LTBR: variants seen among roughly 807,000 people sequenced by gnomAD.
LTBR encodes the protein lymphotoxin beta receptor.
In LTBR, 15 loss-of-function variants were observed where a neutral mutation model predicts 45.4. That is an observed-to-expected ratio of 0.33 (90% CI 0.22 to 0.51). The LOEUF (loss-of-function observed/expected upper bound fraction) is 0.51. Ranked by LOEUF, LTBR falls within the 20% of genes least tolerant of loss-of-function variation. The pLI is 0.97. For missense variants in LTBR, 450 were observed against 565.5 expected (o/e 0.80, Z 2.07); for synonymous variants, 228 against 231.0 (o/e 0.99, Z 0.12).
chr12:6,390,938 C>T lies in LTBR; in HGVS notation c.*1C>T, dbSNP rs369367670. ...GAACCAATTTATCACCCATGACTGACTGAGTCTGAGAAAAGGCAGAAGAAG... is the reference window on the plus strand; with the variant it reads ...GAACCAATTTATCACCCATGACTGATTGAGTCTGAGAAAAGGCAGAAGAAG... On this transcript the variant is annotated 3_prime_UTR_variant, in exon 10 of 10. Transcript: ENST00000228918. 46 of 1,548,038 alleles carry T rather than the reference C, an allele frequency of 3.0e-5. No homozygotes were observed. Among genetic ancestry groups the T allele is most frequent in the Admixed American group, 7.8e-5 (4 of 51,400 alleles).
At chr12:6,389,975 G>T in intron 8 of LTBR, 137 bp from the exon 9 acceptor site, 1 of 664,078 alleles carries the variant, frequency 1.5e-6, no homozygotes, top group Non-Finnish European at 2.6e-6. Context: ...GAAAGAGAGA[G>T]AGAGAAAGAG....
intron 6 of LTBR, chr12:6,387,642 G>C (rs1396643311): frequency 4.3e-6 from 1 of 230,638 alleles, no homozygotes. Flanking sequence ...AGAAATGCGG[G>C]AGTCCTCCCG....
upstream of LTBR, among the ~76,000 whole-genome samples, chr12:6,379,791 G>T (rs991330966): frequency 4.6e-5 from 7 of 151,974 alleles, no homozygotes; most frequent in Non-Finnish European, 8.8e-5. Context: ...AATTAGCTGG[G>T]CATAAGTGGT....
intron 8 of LTBR, 185 bp downstream of exon 8, chr12:6,389,010 A>G: frequency 1.6e-6 from 1 of 616,340 alleles, no homozygotes; most frequent in South Asian, 2.1e-5. Flanking sequence ...TGAGCAAAAC[A>G]CAGTACCTCA....
At chr12:6,384,083 C>G (rs12827109), upstream of LTBR, 1 of 1,242,680 alleles carries the variant, frequency 8.0e-7, no homozygotes, top group Admixed American at 4.2e-5. Flanking sequence ...AAGCCTGTTC[C>G]TCTTCCCTGG....
upstream of LTBR, chr12:6,375,300 C>G: frequency 4.2e-6 from 6 of 1,438,700 alleles, no homozygotes; most frequent in Non-Finnish European, 5.4e-6. Flanking sequence ...CTCTCCCCCC[C>G]TTGCCTTGCC....
chr12:6,381,139 G>A (rs1948980438), upstream of LTBR, among the ~76,000 whole-genome samples: 1 of 152,180 alleles, frequency 6.6e-6, no homozygotes, highest in Admixed American at 6.5e-5. Flanking sequence ...GGTGATGGAG[G>A]AGCTGAGAAG....
At chr12:6,377,325 G>C (rs995369312) in intron 1 of LTBR, 1 of 1,434,990 alleles carries the variant, frequency 7.0e-7, no homozygotes, top group African/African-American at 1.4e-5. Flanking sequence ...TGAAGAAACT[G>C]ACCCTTCCCA....
chr12:6,376,201 G>A (rs751350109), intron 1 of LTBR: 3 of 985,132 alleles, frequency 3.0e-6, no homozygotes, highest in Non-Finnish European at 3.6e-6. Flanking sequence ...GCACTCAGGT[G>A]GGATGCGTCT....
At chr12:6,385,922 A>AAAG (rs1949039973) in intron 4 of LTBR, 144 bp from the exon 5 acceptor site, 1 of 611,940 alleles carries the variant, frequency 1.6e-6, no homozygotes, top group Admixed American at 2.8e-5. Flanking sequence ...AAAAAAAAAA[A>AAAG]GGCAGCAAAG....
chr12:6,390,276 G>C lies in LTBR; in HGVS notation c.966G>C (p.Gln322His). 6.2e-7 allele frequency: 1 copy of C among 1,614,006 alleles called. No individual in the cohort carries two copies. The highest frequency in any genetic ancestry group is 1.7e-5 in the Admixed American group (1 of 60,016). Residue 322 changes from glutamine to histidine, a missense_variant, in exon 9 of 10, where the codon CAG (glutamine) becomes CAC (histidine). Around this residue, in one of 3 missense-constraint regions of LTBR, gnomAD observed 367 missense variants for 435.4 expected, o/e 0.84. Transcript: ENST00000228918. ...PVLEAGVPQQ[Q>H]SPLDLTREPQ... ...TGGAGGCAGGGGTGCCGCAACAGCAGAGTCCTCTGGACCTGACCAGGGAGC... is the reference window on the plus strand; with the variant it reads ...TGGAGGCAGGGGTGCCGCAACAGCACAGTCCTCTGGACCTGACCAGGGAGC...
Position 6,388,054 on chromosome 12 carries a change from G to C in LTBR, c.668-344G>C, listed in dbSNP as rs1813431065. The C allele has an allele frequency of 2.7e-6, 1 of 364,244 alleles. No homozygotes were observed. The highest frequency in any genetic ancestry group is 5.4e-6 in the Non-Finnish European group (1 of 186,008). The allele number at this position is 364,244 out of a possible 1,614,324, so 22.6% of individuals were successfully genotyped here. A position where few individuals can be genotyped will look rare whatever the true frequency, so the allele number is the denominator to read the frequency against. On this transcript the variant is annotated intron_variant, in intron 6 of 9. Transcript: ENST00000228918. The surrounding 1 kb of genome is among the most constrained non-coding windows in gnomAD (Gnocchi z 4.3). ...CTACTGTCTCCCAATCCCACTTCCA[G>C]ACCTTGAAAATCAACTGCCTAAGCT...
chr12:6,384,062 T>C, upstream of LTBR: 1 of 1,206,754 alleles, frequency 8.3e-7, no homozygotes, highest in African/African-American at 1.6e-5. Flanking sequence ...CCGCCCCGCA[T>C]CGAGGCAGAC....
Position 6,384,280 on chromosome 12 carries a change from C to T in LTBR, c.-79C>T, listed in dbSNP as rs1401273913. 7.0e-7 allele frequency: 1 copy of T among 1,420,822 alleles called. No individual in the cohort carries two copies. The highest frequency in any genetic ancestry group is 9.2e-7 in the Non-Finnish European group (1 of 1,092,806). The allele number at this position is 1,420,822 out of a possible 1,614,324, so 88.0% of individuals were successfully genotyped here. On this transcript the variant is annotated 5_prime_UTR_variant, in exon 1 of 10. Transcript: ENST00000228918. ...AGGCTCTGGGCTCGGGCAGCCGCCG[C>T]CACCGCTGCCCAGGACGTCGGGCCT... is the stretch of plus-strand genomic sequence containing the variant.
Position 6,390,873 on chromosome 12 carries a change from C to A in LTBR, c.1244C>A (p.Thr415Lys). ...EDGKAWHLAETEHCGATPSNR... is the reference protein window; with the variant it reads ...EDGKAWHLAEKEHCGATPSNR... ...GGCAAGGCTTGGCACCTAGCGGAGA[C>A]AGAGCACTGTGGTGCCACACCCTCT... Residue 415 changes from threonine to lysine, a missense_variant, in exon 10 of 10, where the codon ACA (threonine) becomes AAA (lysine). This residue lies in a region of LTBR where 71 missense variants were observed against 90.4 expected (regional missense o/e 0.79). Transcript: ENST00000228918. The A allele has an allele frequency of 6.8e-6, 11 of 1,607,378 alleles. No homozygotes were observed. The highest frequency in any genetic ancestry group is 9.4e-6 in the Non-Finnish European group (11 of 1,176,426).
intron 1 of LTBR, among the ~76,000 whole-genome samples, chr12:6,378,627 A>T (rs1465740154): frequency 6.6e-6 from 1 of 152,220 alleles, no homozygotes; most frequent in Non-Finnish European, 1.5e-5. Context: ...GCATGAGGGG[A>T]CTGAGGCCCA....
Position 6,384,186 on chromosome 12 carries a change from TG to T in LTBR, c.-170del, listed in dbSNP as rs1001879149. On this transcript the variant is annotated 5_prime_UTR_variant, in exon 1 of 10. It removes the in-frame stop codon of an upstream open reading frame in the 5' UTR. Coordinates refer to ENST00000228918, the MANE Select transcript of LTBR (RefSeq NM_002342.3). Reference sequence around the variant, plus strand: ...CACTCCCACTTCCTGAGCTCCGCCATGGGAGCCCTGGAGGCCCGGCCTGGCC... The same window carrying T: ...CACTCCCACTTCCTGAGCTCCGCCATGGAGCCCTGGAGGCCCGGCCTGGCC... 7.7e-7 allele frequency: 1 copy of T among 1,301,812 alleles called. No individual in the cohort carries two copies. The highest frequency in any genetic ancestry group is 1.5e-5 in the African/African-American group (1 of 64,622). 80.6% of individuals were successfully genotyped at this position (1,301,812 alleles called of 1,614,324 possible). A position where few individuals can be genotyped will look rare whatever the true frequency, so the allele number is the denominator to read the frequency against.
Position 6,384,311 on chromosome 12 carries a change from C to T in LTBR, c.-48C>T. On this transcript the variant is annotated 5_prime_UTR_variant, in exon 1 of 10. Coordinates refer to ENST00000228918, the MANE Select transcript of LTBR (RefSeq NM_002342.3). Reference sequence around the variant, plus strand: ...CTGCCCAGGACGTCGGGCCTCCTGCCTTCCTCCCAGGCCCCCACGTTGCTG... The same window carrying T: ...CTGCCCAGGACGTCGGGCCTCCTGCTTTCCTCCCAGGCCCCCACGTTGCTG... 6.9e-7 allele frequency: 1 copy of T among 1,439,944 alleles called. No homozygotes were observed. 89.2% of individuals were successfully genotyped at this position (1,439,944 alleles called of 1,614,324 possible). A position where few individuals can be genotyped will look rare whatever the true frequency, so the allele number is the denominator to read the frequency against.
At chr12:6,383,940 CCCTCGGCTGGGCCAGGGCTGTCCG>C, upstream of LTBR, 1 of 926,416 alleles carries the variant, frequency 1.1e-6, no homozygotes, top group South Asian at 5.1e-5. Flanking sequence ...CGCCGCCCTT[CCCTCGGCTGGGCCAGGGCTGTCCG>C]CAGTCCGCTC....
Sources: gnomAD v4.1 joint callset for allele counts (sites outside exome capture counted in the v4.1 genomes callset) on GRCh38, gnomAD v4.1.1 for gene constraint, gnomAD v4.1.1 regional missense constraint, Gnocchi (gnomAD v3.1) non-coding constraint, MANE v1.5 for transcripts, NCBI Gene and HGNC (gene_info 2026-07-23, HGNC 2026-07-21) for gene names.